The following RARB variants were observed in gnomAD, a reference collection of about 807,000 sequenced individuals.
RARB encodes the protein retinoic acid receptor beta, also known as HBV-activated protein.
Under a neutral mutation model 51.9 loss-of-function variants are expected in RARB, and 17 were observed. The ratio of observed to expected loss-of-function variants is 0.33; its 90% CI spans 0.22 to 0.49. The LOEUF (loss-of-function observed/expected upper bound fraction) is 0.49. Among genes scored for constraint, RARB ranks in the 20% least tolerant of loss-of-function variants. RARB has a pLI of 0.99. For missense variants in RARB, 369 were observed against 550.8 expected, an observed-to-expected ratio of 0.67 and a Z score of 3.30; for synonymous variants, 215 against 195.4, an observed-to-expected ratio of 1.10 and a Z score of -0.84.
intron 3 of RARB, among the ~76,000 whole-genome samples, chr3:25,115,272 A>AT (rs1699666996): frequency 6.6e-6 from 1 of 152,198 alleles, no homozygotes; most frequent in Non-Finnish European, 1.5e-5. Context: ...TTTAACATAA[A>AT]TATTTAAAAA....
chr3:25,081,453 A>C (rs1439126808), intron 3 of RARB, among the ~76,000 whole-genome samples: 1 of 150,124 alleles, frequency 6.7e-6, no homozygotes, highest in Non-Finnish European at 1.5e-5. Flanking sequence ...GTGCTGTTCA[A>C]ATATTCTACA....
intron 2 of RARB, among the ~76,000 whole-genome samples, chr3:25,500,117 T>C (rs1697220921): frequency 6.6e-6 from 1 of 152,240 alleles, no homozygotes; most frequent in South Asian, 2.1e-4. Context: ...GTATATGTGG[T>C]GTTTAATATG....
intron 2 of RARB, among the ~76,000 whole-genome samples, chr3:24,884,960 G>A (rs1256338045): frequency 6.6e-6 from 1 of 152,114 alleles, no homozygotes; most frequent in Non-Finnish European, 1.5e-5. Flanking sequence ...GATAACAACT[G>A]CGTATTCAAA....
At chr3:25,083,018 G>A (rs1243082500) in intron 3 of RARB, among the ~76,000 whole-genome samples, 6 of 151,646 alleles carry the variant, frequency 4.0e-5, no homozygotes, top group Non-Finnish European at 8.8e-5. Context: ...CTGTATTATT[G>A]CTAATAAACA....
At chr3:25,109,157 G>A (rs907028433) in intron 3 of RARB, among the ~76,000 whole-genome samples, 4 of 152,162 alleles carry the variant, frequency 2.6e-5, no homozygotes, top group African/African-American at 4.8e-5. Flanking sequence ...AATGATAAGC[G>A]TTCAAATGGG....
At chr3:25,554,237 TAAAAC>T (rs912718043) in intron 3 of RARB, among the ~76,000 whole-genome samples, 28 of 149,592 alleles carry the variant, frequency 1.9e-4, no homozygotes, top group African/African-American at 7.0e-4. Flanking sequence ...ATAGCTGAAA[TAAAAC>T]AAAAAAACAT....
intron 1 of RARB, chr3:24,858,609 A>G (rs1575038784): frequency 6.6e-6 from 1 of 151,644 alleles, no homozygotes; most frequent in South Asian, 2.1e-4. Flanking sequence ...GATTTTGAAT[A>G]ATCTAATTTC....
intron 5 of RARB, among the ~76,000 whole-genome samples, chr3:25,262,015 G>A (rs1046351608): frequency 6.6e-6 from 1 of 152,068 alleles, no homozygotes; most frequent in African/African-American, 2.4e-5. Context: ...ACCTGACACT[G>A]TTACTCTCTG....
At chr3:24,854,531 T>C (rs942278343) in intron 1 of RARB, among the ~76,000 whole-genome samples, 1 of 152,166 alleles carries the variant, frequency 6.6e-6, no homozygotes, top group Non-Finnish European at 1.5e-5. Context: ...GGGTACTTAG[T>C]AGTAATGTAA....
intron 5 of RARB, among the ~76,000 whole-genome samples, chr3:25,220,202 A>C (rs1379651293): frequency 2.0e-5 from 3 of 152,230 alleles, no homozygotes; most frequent in African/African-American, 7.2e-5. Context: ...CTTGACAGCT[A>C]CATTTCCCTA....
At position 25,363,729 on chromosome 3, in the gene RARB, A is replaced by T. The variant is rs116606360; in HGVS notation, c.179-97464A>T. On this transcript the variant is annotated intron_variant, in intron 5 of 11. Coordinates refer to the RARB transcript ENST00000383772. Reference sequence around the variant, plus strand: ...ATAACTTTTTCACAGCACAACACAGATCAGTTGACATCACTTGTATTTCCC... The same window carrying T: ...ATAACTTTTTCACAGCACAACACAGTTCAGTTGACATCACTTGTATTTCCC... 5.9e-3 allele frequency among the ~76,000 whole-genome samples: 902 copies of T among 152,244 alleles called. 4 individuals carry two copies. The highest frequency in any genetic ancestry group is 0.014 in the Middle Eastern group (4 of 294).
intron 5 of RARB, among the ~76,000 whole-genome samples, chr3:25,210,501 C>T (rs935603385): frequency 6.4e-5 from 8 of 124,900 alleles, no homozygotes; most frequent in Admixed American, 5.9e-4. Flanking sequence ...TCATCTGACC[C>T]CTGAAAGCCT....
intron 4 of RARB, among the ~76,000 whole-genome samples, chr3:25,158,238 C>G (rs576375293): frequency 4.6e-5 from 7 of 152,312 alleles, no homozygotes; most frequent in Non-Finnish European, 5.9e-5. Flanking sequence ...CCTGAGAGAT[C>G]ACACCATCAC....
chr3:25,567,301 C>A (rs985682608), intron 3 of RARB, among the ~76,000 whole-genome samples: 4 of 152,300 alleles, frequency 2.6e-5, no homozygotes, highest in African/African-American at 9.6e-5. Context: ...ACTCCCGATC[C>A]TCCCTCCCCA....
chr3:25,267,763 A>C (rs1703159549), intron 5 of RARB, among the ~76,000 whole-genome samples: 1 of 152,320 alleles, frequency 6.6e-6, no homozygotes. Flanking sequence ...CTGGAGGGCT[A>C]TAATTTATGG....
intron 2 of RARB, among the ~76,000 whole-genome samples, chr3:24,864,939 G>C (rs1702819838): frequency 6.6e-6 from 1 of 152,288 alleles, no homozygotes; most frequent in South Asian, 2.1e-4. Flanking sequence ...TCAAGGAACT[G>C]TACTTTGAAA....
intron 5 of RARB, among the ~76,000 whole-genome samples, chr3:25,586,642 C>T (rs147047996): frequency 6.6e-6 from 1 of 152,336 alleles, no homozygotes; most frequent in East Asian, 1.9e-4. Context: ...CAGCACCCTC[C>T]TTCTGGTGAC....
At chr3:25,407,173 T>C (rs1707432587) in intron 5 of RARB, among the ~76,000 whole-genome samples, 1 of 152,194 alleles carries the variant, frequency 6.6e-6, no homozygotes, top group Admixed American at 6.5e-5. Flanking sequence ...CCCCACTGCC[T>C]ATAGTCCAGT....
intron 2 of RARB, among the ~76,000 whole-genome samples, chr3:24,960,738 C>T (rs1228161207): frequency 3.3e-5 from 5 of 149,270 alleles, no homozygotes; most frequent in African/African-American, 1.3e-4. Flanking sequence ...TTGTAATTGC[C>T]AGTTGAGAAT....
Sources: gnomAD v4.1 joint callset for allele counts (sites outside exome capture counted in the v4.1 genomes callset) on GRCh38, gnomAD v4.1.1 for gene constraint, MANE v1.5 for transcripts, NCBI Gene and HGNC (gene_info 2026-07-23, HGNC 2026-07-21) for gene names.